Variants in FBXL4 observed in about 807,000 individuals in gnomAD.
FBXL4 encodes the protein F-box and leucine rich repeat protein 4, also known as F-box/LRR-repeat protein 4.
FBXL4 carries 40 observed loss-of-function variants against 58.9 expected under a neutral mutation model. The observed-to-expected ratio is 0.68, with a 90% CI of 0.53 to 0.88. FBXL4 has a LOEUF of 0.88. Ranked by LOEUF, FBXL4 falls within the 40% of genes least tolerant of loss-of-function variation. The pLI is 0.00. For synonymous variants in FBXL4, 263 were observed against 265.5 expected (o/e 0.99, Z 0.09); for missense variants, 676 against 734.4 (o/e 0.92, Z 0.92).
chr6:98,919,208 A>G (rs1287630425), intron 4 of FBXL4, among the ~76,000 whole-genome samples: 2 of 152,156 alleles, frequency 1.3e-5, no homozygotes, highest in Non-Finnish European at 2.9e-5. Context: ...GGCAATTTCT[A>G]CCTTCAGGAA....
intron 6 of FBXL4, among the ~76,000 whole-genome samples, chr6:98,902,682 T>C (rs568277799): frequency 2.7e-4 from 41 of 151,792 alleles, no homozygotes; most frequent in African/African-American, 9.4e-4. Context: ...CAGCAAATAT[T>C]TGAAGAAAAA....
Position 98,926,590 on chromosome 6 carries a change from T to C in FBXL4, c.399A>G (p.Gln133=), listed in dbSNP as rs772615224. The C allele has an allele frequency of 2.5e-6, 4 of 1,614,174 alleles. No homozygotes were observed. In the East Asian group the frequency reaches 8.9e-5, roughly 36 times the overall value. Residue 133 remains glutamine, a synonymous_variant, in exon 4 of 10, where the codon CAA becomes CAG. Transcript: ENST00000369244. ...SQDYVELTFE[Q]QVYPTAVHVL... The stretch of plus-strand genomic sequence containing the variant: ...CATGTACAGCTGTAGGATACACCTG[T>C]TGTTCAAAAGTAAGTTCCACATAGT...
At position 98,898,515 on chromosome 6, in the gene FBXL4, G is replaced by C. The variant is rs1771486014; in HGVS notation, c.1317+753C>G. On this transcript the variant is annotated intron_variant, in intron 7 of 9. Coordinates refer to ENST00000369244, the MANE Select transcript of FBXL4 (RefSeq NM_001278716.2). ...AGATACTCAGGAGGCTGAGGCAGGA[G>C]AATCGCTTGAACTGGTCAGGCGGAG... 13 of 907,536 alleles carry C rather than the reference G, an allele frequency of 1.4e-5. No individual in the cohort carries two copies. The South Asian group carries it at 6.1e-4, about 43-fold the overall frequency. 56.2% of individuals were successfully genotyped at this position (907,536 alleles called of 1,614,324 possible).
At chr6:98,897,416 A>C in intron 7 of FBXL4, 1 of 869,062 alleles carries the variant, frequency 1.2e-6, no homozygotes, top group Non-Finnish European at 1.4e-6. Flanking sequence ...AAAATCTGGA[A>C]ATCTGAGACA....
At chr6:98,945,978 T>A (rs951914658) in intron 1 of FBXL4, among the ~76,000 whole-genome samples, 3 of 152,196 alleles carry the variant, frequency 2.0e-5, no homozygotes, top group African/African-American at 7.2e-5. Flanking sequence ...TCTCAATAAC[T>A]GGCAGGAAAA....
At position 98,880,536 on chromosome 6, in the gene FBXL4, A is replaced by C; in HGVS notation, c.1389+17T>G. 1 of 1,609,804 alleles carries C rather than the reference A, an allele frequency of 6.2e-7. No homozygotes were observed. Among genetic ancestry groups the C allele is most frequent in the Non-Finnish European group, 8.5e-7 (1 of 1,176,218 alleles). ...GAACAAGTAATTGAGTAGTATAAAG[A>C]ATTCTCAAACACTTACCATGACACA... On this transcript the variant is annotated intron_variant, in intron 8 of 9. Transcript: ENST00000369244.
chr6:98,920,007 G>C (rs1772518871), intron 4 of FBXL4, among the ~76,000 whole-genome samples: 1 of 152,020 alleles, frequency 6.6e-6, no homozygotes, highest in Admixed American at 6.6e-5. Context: ...GGGAGTTTTG[G>C]GAGGCTTAAG....
At chr6:98,881,953 C>T (rs1770870020) in intron 7 of FBXL4, among the ~76,000 whole-genome samples, 1 of 151,214 alleles carries the variant, frequency 6.6e-6, no homozygotes, top group African/African-American at 2.4e-5. Flanking sequence ...AATTACAGGA[C>T]CATATCCATA....
chr6:98,896,063 A>T (rs1771398545), intron 7 of FBXL4, among the ~76,000 whole-genome samples: 1 of 152,168 alleles, frequency 6.6e-6, no homozygotes, highest in African/African-American at 2.4e-5. Flanking sequence ...AACTAAAATT[A>T]TTATCTTCTT....
chr6:98,935,258 CT>C (rs11336857), intron 1 of FBXL4, among the ~76,000 whole-genome samples: 51,637 of 137,516 alleles, frequency 0.38, 9,458 homozygotes, highest in Middle Eastern at 0.48. Flanking sequence ...CTGAAGGAAT[CT>C]TTTTTTTTTT....
chr6:98,926,904 C>A lies in FBXL4; in HGVS notation c.85G>T (p.Gly29Ter). Residue 29 changes from glycine (G) to a stop codon, truncating the protein, a stop_gained, in exon 4 of 10, where the codon GGA becomes TGA. Coordinates refer to ENST00000369244, the MANE Select transcript of FBXL4 (RefSeq NM_001278716.2). LOFTEE classifies it high-confidence loss of function. ...GCTCTATGGGTGTTCATCATTTCTC[C>A]TCTTGTAGCTGTCCTGGCTCGGCGC... is the stretch of plus-strand genomic sequence containing the variant. Reference protein sequence around the residue: ...LRRRARTATRGEMMNTHRAIE... With the variant: ...LRRRARTATR 6.2e-7 allele frequency: 1 copy of A among 1,614,124 alleles called. No homozygotes were observed. Among genetic ancestry groups the A allele is most frequent in the Non-Finnish European group, 8.5e-7 (1 of 1,180,012 alleles).
intron 8 of FBXL4, among the ~76,000 whole-genome samples, chr6:98,876,602 A>G (rs1299280710): frequency 6.6e-6 from 1 of 152,240 alleles, no homozygotes; most frequent in African/African-American, 2.4e-5. Context: ...GACACTGTCC[A>G]TATTTTTAGG....
At chr6:98,908,549 G>C (rs1157375788) in intron 5 of FBXL4, among the ~76,000 whole-genome samples, 3 of 151,984 alleles carry the variant, frequency 2.0e-5, no homozygotes, top group Admixed American at 1.3e-4. Flanking sequence ...CATGCATTTA[G>C]AAGTTTTGAT....
chr6:98,902,012 C>T (rs1257608748), intron 6 of FBXL4, among the ~76,000 whole-genome samples: 3 of 152,080 alleles, frequency 2.0e-5, no homozygotes, highest in Non-Finnish European at 4.4e-5. Context: ...AATTGCTTAT[C>T]ATTATGAGGT....
intron 1 of FBXL4, among the ~76,000 whole-genome samples, chr6:98,945,175 C>A (rs1236914057): frequency 6.6e-6 from 1 of 152,202 alleles, no homozygotes; most frequent in African/African-American, 2.4e-5. Flanking sequence ...AATGAACTAA[C>A]ATGCAAACAT....
At chr6:98,906,130 A>C (rs1771799930) in intron 5 of FBXL4, among the ~76,000 whole-genome samples, 1 of 151,956 alleles carries the variant, frequency 6.6e-6, no homozygotes, top group South Asian at 2.1e-4. Flanking sequence ...ACCTAGCTCC[A>C]AAGTGAAAGT....
intron 7 of FBXL4, among the ~76,000 whole-genome samples, chr6:98,884,791 A>G (rs771281734): frequency 5.9e-5 from 9 of 152,114 alleles, no homozygotes; most frequent in Admixed American, 2.0e-4. Flanking sequence ...CTTTTCTACC[A>G]TTCCTTCCAT....
chr6:98,934,163 AG>A (rs1341890932), intron 2 of FBXL4, among the ~76,000 whole-genome samples: 7 of 152,230 alleles, frequency 4.6e-5, no homozygotes, highest in Non-Finnish European at 8.8e-5. Flanking sequence ...GAGAGGTAAA[AG>A]AAAGCCATTT....
At chr6:98,947,535 G>A (rs1773668775) in intron 1 of FBXL4, among the ~76,000 whole-genome samples, 1 of 152,226 alleles carries the variant, frequency 6.6e-6, no homozygotes, top group African/African-American at 2.4e-5. Flanking sequence ...ACGTCCGAAC[G>A]ACGCCTCACA....
Sources: allele counts gnomAD v4.1 joint callset (sites outside exome capture counted in the v4.1 genomes callset), GRCh38; gene constraint gnomAD v4.1.1; transcripts MANE v1.5; gene names NCBI Gene and HGNC (gene_info 2026-07-23, HGNC 2026-07-21).